SPNS2: variants seen among roughly 807,000 people sequenced by gnomAD.
SPNS2 encodes the protein sphingosine-1-phosphate transporter SPNS2.
A neutral mutation model predicts 57.6 loss-of-function variants in SPNS2; 37 were observed. The observed-to-expected ratio is 0.64, with a 90% confidence interval of 0.49 to 0.85. The LOEUF (loss-of-function observed/expected upper bound fraction) is 0.85. Among genes scored for constraint, SPNS2 ranks in the 40% least tolerant of loss-of-function variants. The probability of loss-of-function intolerance (pLI) is 0.00; values close to 1 mark genes in which losing one functional copy is unlikely to be tolerated. For missense variants in SPNS2, 831 were observed against 779.1 expected, an observed-to-expected ratio of 1.07 and a Z score of -0.79; for synonymous variants, 440 against 346.9, an observed-to-expected ratio of 1.27 and a Z score of -2.98.
Position 4,510,874 on chromosome 17 carries a change from C to T in SPNS2, c.371-2373C>T, listed in dbSNP as rs76978804. 1.7e-3 allele frequency among the ~76,000 whole-genome samples: 252 copies of T among 152,292 alleles called. 6 individuals are homozygous for T. In the East Asian group the frequency reaches 0.035, roughly 21 times the overall value. On this transcript the variant is annotated intron_variant, in intron 1 of 12. Coordinates refer to ENST00000329078, the MANE Select transcript of SPNS2 (RefSeq NM_001124758.3). This position sits in a 1 kb window ranked among gnomAD's most constrained non-coding sequence, Gnocchi z 4.4. ...CACCAGCAAACCACGCAGAAGGCAG[C>T]GTGGCAGGAGAACGAGCTTTGGTTT... is the stretch of plus-strand genomic sequence containing the variant.
rs918799117 is a variant in SPNS2 at position 4,512,729 on chromosome 17, GGT to G, written c.371-508_371-507del. 6.4e-4 allele frequency among the ~76,000 whole-genome samples: 97 copies of G among 151,306 alleles called. No individual in the cohort carries two copies. The highest frequency in any genetic ancestry group is 2.0e-3 in the African/African-American group (81 of 40,816). ...GTGCACACACGTGCGTGCGTGTGCA[GGT>G]GTGTGTGTGCATGTACAGGTGTGTG... On this transcript the variant is annotated intron_variant, in intron 1 of 12. Transcript: ENST00000329078. The surrounding 1 kb of genome is among the most constrained non-coding windows in gnomAD (Gnocchi z 5.2).
intron 1 of SPNS2, 50 bp from the exon 2 acceptor site, chr17:4,513,197 G>A (rs1373229035): frequency 6.3e-7 from 1 of 1,587,892 alleles, no homozygotes; most frequent in Non-Finnish European, 8.6e-7. Flanking sequence ...GGTCTGTGGG[G>A]ACACCAGCCA....
intron 3 of SPNS2, among the ~76,000 whole-genome samples, chr17:4,529,462 A>G (rs952408459): frequency 4.6e-5 from 7 of 152,024 alleles, no homozygotes; most frequent in African/African-American, 1.7e-4. Flanking sequence ...AGGCTGAGGC[A>G]GGCAGATCAA....
intron 3 of SPNS2, 152 bp downstream of exon 3, chr17:4,525,345 T>C: frequency 8.4e-7 from 1 of 1,190,486 alleles, no homozygotes; most frequent in Non-Finnish European, 1.2e-6. Context: ...ACAGGTGGTC[T>C]TCGGGTATTT....
Position 4,499,368 on chromosome 17 carries a change from C to T in SPNS2, c.321C>T (p.Ile107=), listed in dbSNP as rs1323721434. ...GCGGGCGGGGGGCAGCCGCCGCCAT[C>T]CTCAGCTTGGGCAACGTGCTCAACT... ...LGRGRGAAAA[I]LSLGNVLNYL... Residue 107 remains isoleucine (I), a synonymous_variant, in exon 1 of 13, where the codon ATC becomes ATT. Coordinates refer to ENST00000329078, the MANE Select transcript of SPNS2 (RefSeq NM_001124758.3). The surrounding 1 kb of genome is among the most constrained non-coding windows in gnomAD (Gnocchi z 5.2). 3.5e-6 allele frequency: 5 copies of T among 1,418,956 alleles called. No individual in the cohort carries two copies. In the Admixed American group the frequency reaches 1.2e-4, roughly 34 times the overall value. The allele number at this position is 1,418,956 out of a possible 1,614,324, so 87.9% of individuals were successfully genotyped here. A position where few individuals can be genotyped will look rare whatever the true frequency, so the allele number is the denominator to read the frequency against.
chr17:4,532,510 C>T lies in SPNS2; in HGVS notation c.793-32C>T, dbSNP rs1223076581. The stretch of plus-strand genomic sequence containing the variant: ...TGCAGCAGGGACGAGGCTCACTGGG[C>T]CCTGGTGTCCTAACTTCCTGCTCTC... On this transcript the variant is annotated intron_variant, in intron 5 of 12. Coordinates refer to ENST00000329078, the MANE Select transcript of SPNS2 (RefSeq NM_001124758.3). 3 of 1,614,042 alleles carry T rather than the reference C, an allele frequency of 1.9e-6. No individual in the cohort carries two copies. The African/African-American group carries it at 4.0e-5, about 22-fold the overall frequency.
At chr17:4,536,506 G>C (rs1905818118) in intron 11 of SPNS2, 80 bp downstream of exon 11, 3 of 1,496,910 alleles carry the variant, frequency 2.0e-6, no homozygotes, top group Admixed American at 1.8e-5. Flanking sequence ...CTGCCCTGGG[G>C]TGGGGCGGGG....
intron 11 of SPNS2, 161 bp from the exon 12 acceptor site, chr17:4,536,736 TCTC>T (rs1905836638): frequency 6.0e-6 from 4 of 669,750 alleles, no homozygotes; most frequent in South Asian, 5.0e-5. Context: ...CTCCTCTCTC[TCTC>T]CTCTCCCCAC....
chr17:4,506,332 G>A (rs1904677306), intron 1 of SPNS2, among the ~76,000 whole-genome samples: 1 of 152,156 alleles, frequency 6.6e-6, no homozygotes, highest in Admixed American at 6.5e-5. Context: ...TCTTCCCCAG[G>A]CCCCTGCCTT....
At chr17:4,500,341 G>A (rs1277419933) in intron 1 of SPNS2, among the ~76,000 whole-genome samples, 4 of 152,148 alleles carry the variant, frequency 2.6e-5, no homozygotes, top group African/African-American at 9.7e-5. Flanking sequence ...GGGGACGCAC[G>A]TGGTTCTGGA....
At position 4,538,877 on chromosome 17, in the gene SPNS2, T is replaced by G; in HGVS notation, c.*1429T>G. ...TCAGCGGGGCCCCAGCGATGTTTTC[T>G]TGTTGTACAAGAACCAGGTCCGAGT... is the stretch of plus-strand genomic sequence containing the variant. On this transcript the variant is annotated 3_prime_UTR_variant, in exon 13 of 13. Transcript: ENST00000329078. The G allele has an allele frequency of 1.3e-6, 1 of 781,100 alleles. No individual in the cohort carries two copies. Among genetic ancestry groups the G allele is most frequent in the Non-Finnish European group, 2.4e-6 (1 of 418,236 alleles). The allele number at this position is 781,100 out of a possible 1,614,324, so 48.4% of individuals were successfully genotyped here. A position where few individuals can be genotyped will look rare whatever the true frequency, so the allele number is the denominator to read the frequency against.
intron 9 of SPNS2, chr17:4,534,493 GTGTC>G (rs1567596632): frequency 1.9e-5 from 3 of 155,480 alleles, no homozygotes; most frequent in African/African-American, 2.4e-5. Context: ...ACAGGAGAGA[GTGTC>G]TGGGAGGTGT....
chr17:4,519,444 C>T (rs891613477), intron 2 of SPNS2, among the ~76,000 whole-genome samples: 1 of 152,130 alleles, frequency 6.6e-6, no homozygotes, highest in Non-Finnish European at 1.5e-5. Flanking sequence ...GGCTTTCTGA[C>T]GGCCTCCTGC....
At position 4,535,824 on chromosome 17, in the gene SPNS2, G is replaced by A. The variant is rs550622071; in HGVS notation, c.1345-252G>A. 7.9e-5 allele frequency among the ~76,000 whole-genome samples: 12 copies of A among 151,940 alleles called. No homozygotes were observed. The East Asian group carries it at 1.9e-3, about 25-fold the overall frequency. ...GGAAGCCCCTGGGGTGAGGGTGACTGCAGCTGTGTGTGGGTGGGAGGGGCT... is the reference window on the plus strand; with the variant it reads ...GGAAGCCCCTGGGGTGAGGGTGACTACAGCTGTGTGTGGGTGGGAGGGGCT... On this transcript the variant is annotated intron_variant, in intron 9 of 12. Transcript: ENST00000329078.
At chr17:4,536,682 T>C in intron 11 of SPNS2, 1 of 636,120 alleles carries the variant, frequency 1.6e-6, no homozygotes. Flanking sequence ...CTGGGGCCCC[T>C]CCCCTTCCTC....
chr17:4,513,808 G>A (rs756079493), intron 2 of SPNS2, among the ~76,000 whole-genome samples: 6 of 152,214 alleles, frequency 3.9e-5, no homozygotes, highest in Non-Finnish European at 8.8e-5. Context: ...GCCCCAGAGC[G>A]GTTCCCAAGC....
intron 11 of SPNS2, 129 bp downstream of exon 11, chr17:4,536,555 T>G: frequency 8.4e-7 from 1 of 1,194,970 alleles, no homozygotes; most frequent in Non-Finnish European, 1.1e-6. Flanking sequence ...CACCCACTGG[T>G]TGCTGGGGTC....
In SPNS2 at chr17:4,533,411, G is replaced by T; in HGVS notation, c.1257G>T (p.Lys419Asn). The part of the protein sequence containing the change: ...IFICLIFVAA[K>N]SSIVGAYICI... ...TCTGCCTGATCTTCGTGGCTGCCAA[G>T]AGCAGCATCGTAGGAGCCTATGTGA... is the stretch of plus-strand genomic sequence containing the variant. The change falls in exon 8 of 13, where the codon AAG becomes AAT. Residue 419 changes from lysine to asparagine, a missense_variant. Coordinates refer to ENST00000329078, the MANE Select transcript of SPNS2 (RefSeq NM_001124758.3). 6.2e-7 allele frequency: 1 copy of T among 1,606,888 alleles called. No homozygotes were observed.
intron 1 of SPNS2, among the ~76,000 whole-genome samples, chr17:4,503,904 G>T (rs1405878618): frequency 6.6e-6 from 1 of 151,952 alleles, no homozygotes; most frequent in Non-Finnish European, 1.5e-5. Flanking sequence ...AGCCGAGAGG[G>T]ACTTGGGGGC....
Sources: gnomAD v4.1 joint callset for allele counts (sites outside exome capture counted in the v4.1 genomes callset) on GRCh38, gnomAD v4.1.1 for gene constraint, Gnocchi (gnomAD v3.1) non-coding constraint, MANE v1.5 for transcripts, NCBI Gene and HGNC (gene_info 2026-07-23, HGNC 2026-07-21) for gene names.